Variants in CLASP1 observed in about 807,000 individuals in gnomAD.
CLASP1 encodes the protein cytoplasmic linker associated protein 1, also known as CLIP-associating protein 1.
In CLASP1, 38 loss-of-function variants were observed where a neutral mutation model predicts 192.3. The observed-to-expected ratio is 0.20, with a 90% confidence interval of 0.15 to 0.26. The LOEUF is 0.26. Ranked by LOEUF, CLASP1 falls within the 10% of genes least tolerant of loss-of-function variation. CLASP1 has a pLI of 1.00. For missense variants in CLASP1, 1,433 were observed against 1,932.5 expected, an observed-to-expected ratio of 0.74 and a Z score of 4.85; for synonymous variants, 691 against 712.8, an observed-to-expected ratio of 0.97 and a Z score of 0.49.
At chr2:121,485,525 G>A (rs1328232396) in intron 8 of CLASP1, among the ~76,000 whole-genome samples, 1 of 152,122 alleles carries the variant, frequency 6.6e-6, no homozygotes, top group Non-Finnish European at 1.5e-5. Context: ...AGAAAAGAGG[G>A]CCTTCCAATT....
intron 2 of CLASP1, among the ~76,000 whole-genome samples, chr2:121,548,433 G>A (rs1219787301): frequency 6.6e-6 from 1 of 152,168 alleles, no homozygotes; most frequent in Non-Finnish European, 1.5e-5. Flanking sequence ...CCAAATCTAT[G>A]AAAAATTGGT....
chr2:121,523,502 T>G (rs926729919), intron 6 of CLASP1, among the ~76,000 whole-genome samples: 1 of 152,228 alleles, frequency 6.6e-6, no homozygotes, highest in Non-Finnish European at 1.5e-5. Flanking sequence ...AGACCTCCTC[T>G]AGCAGAAAAC....
At chr2:121,526,031 C>T in intron 5 of CLASP1, 111 bp from the exon 6 acceptor site, 1 of 721,416 alleles carries the variant, frequency 1.4e-6, no homozygotes, top group South Asian at 1.6e-5. Context: ...ATCACCACCT[C>T]ATACCAAGTC....
At chr2:121,639,018 T>C (rs960869462) in intron 1 of CLASP1, among the ~76,000 whole-genome samples, 1 of 152,294 alleles carries the variant, frequency 6.6e-6, no homozygotes, top group East Asian at 1.9e-4. Flanking sequence ...GGCTCACGCC[T>C]GTAATCCCAG....
At position 121,410,847 on chromosome 2, in the gene CLASP1, T is replaced by C. The variant is rs776251433; in HGVS notation, c.2424+19A>G. 1.3e-6 allele frequency: 2 copies of C among 1,509,702 alleles called. No individual in the cohort carries two copies. Among genetic ancestry groups the C allele is most frequent in the South Asian group, 1.2e-5 (1 of 86,288 alleles). The allele number at this position is 1,509,702 out of a possible 1,614,324, so 93.5% of individuals were successfully genotyped here. ...GAGTATTTCAAAAAGACTGTGTACA[T>C]ACATACTGTGCCTCTTACCAAAGCA... On this transcript the variant is annotated intron_variant, in intron 24 of 39. Coordinates refer to ENST00000263710, the Ensembl canonical transcript of CLASP1.
intron 7 of CLASP1, among the ~76,000 whole-genome samples, chr2:121,514,515 A>AC (rs2094232533): frequency 6.6e-6 from 1 of 152,156 alleles, no homozygotes; most frequent in Non-Finnish European, 1.5e-5. Flanking sequence ...TAAAAAAAAA[A>AC]AACAAAACAA....
chr2:121,353,879 C>A (rs2064945803), intron 37 of CLASP1, among the ~76,000 whole-genome samples: 1 of 152,196 alleles, frequency 6.6e-6, no homozygotes, highest in South Asian at 2.1e-4. Context: ...CAGCCTCGAT[C>A]TCCTGGGCTC....
At chr2:121,593,811 G>A (rs1048240080) in intron 2 of CLASP1, among the ~76,000 whole-genome samples, 8 of 151,190 alleles carry the variant, frequency 5.3e-5, no homozygotes, top group African/African-American at 9.7e-5. Context: ...GGGAGTTCAA[G>A]ACCAGCATGA....
chr2:121,357,400 G>T (rs1023769407), intron 37 of CLASP1, among the ~76,000 whole-genome samples: 6 of 152,008 alleles, frequency 3.9e-5, no homozygotes, highest in Non-Finnish European at 8.8e-5. Context: ...TCAGCGCAGG[G>T]TATAAAACAC....
intron 39 of CLASP1, among the ~76,000 whole-genome samples, chr2:121,344,040 C>G (rs1203870868): frequency 6.6e-6 from 1 of 151,966 alleles, no homozygotes; most frequent in African/African-American, 2.4e-5. Context: ...CACCGCACTT[C>G]AGCCTGGGTG....
intron 2 of CLASP1, among the ~76,000 whole-genome samples, chr2:121,552,666 G>A (rs2058147859): frequency 6.6e-6 from 1 of 152,144 alleles, no homozygotes; most frequent in Admixed American, 6.5e-5. Context: ...CAGTCAGAAT[G>A]GCTATTAAAA....
chr2:121,505,810 T>A (rs905298165), intron 7 of CLASP1, among the ~76,000 whole-genome samples: 1 of 152,204 alleles, frequency 6.6e-6, no homozygotes, highest in Non-Finnish European at 1.5e-5. Context: ...CCAATTAGAA[T>A]TTATTTTACT....
At chr2:121,459,775 G>A in intron 12 of CLASP1, 1 of 401,398 alleles carries the variant, frequency 2.5e-6, no homozygotes, top group African/African-American at 2.0e-5. Flanking sequence ...CTATGTCACT[G>A]AATAAAATTT....
chr2:121,477,301 T>C (rs2091752560), intron 8 of CLASP1, among the ~76,000 whole-genome samples: 1 of 152,238 alleles, frequency 6.6e-6, no homozygotes, highest in African/African-American at 2.4e-5. Flanking sequence ...TTTTAGAAGC[T>C]TTTATTACTT....
intron 1 of CLASP1, among the ~76,000 whole-genome samples, chr2:121,625,945 A>C (rs2068262466): frequency 6.6e-6 from 1 of 151,926 alleles, no homozygotes; most frequent in Non-Finnish European, 1.5e-5. Context: ...CTAAAAATAC[A>C]AAAATTAGCT....
chr2:121,451,067 A>G (rs2085369928), intron 15 of CLASP1, 77 bp from the exon 16 acceptor site: 2 of 1,008,062 alleles, frequency 2.0e-6, no homozygotes, highest in Admixed American at 1.9e-5. Context: ...GGGAGAAATA[A>G]CTTCCAAATG....
intron 2 of CLASP1, among the ~76,000 whole-genome samples, chr2:121,595,275 A>G (rs1279585129): frequency 6.6e-6 from 1 of 152,220 alleles, no homozygotes; most frequent in East Asian, 1.9e-4. Flanking sequence ...TCCCCACTTA[A>G]AGAATAGGAA....
At chr2:121,378,339 G>A (rs756119166) in intron 33 of CLASP1, among the ~76,000 whole-genome samples, 9 of 152,070 alleles carry the variant, frequency 5.9e-5, no homozygotes, top group Non-Finnish European at 1.2e-4. Flanking sequence ...ATTCCTGGAT[G>A]GACATCTAAA....
At chr2:121,619,504 C>G (rs2066986045) in intron 1 of CLASP1, among the ~76,000 whole-genome samples, 1 of 152,056 alleles carries the variant, frequency 6.6e-6, no homozygotes. Flanking sequence ...TTGTAAAAAA[C>G]TATAGGCTGG....
Sources: gnomAD v4.1 joint callset for allele counts (sites outside exome capture counted in the v4.1 genomes callset) on GRCh38, gnomAD v4.1.1 for gene constraint, MANE v1.5 for transcripts, NCBI Gene and HGNC (gene_info 2026-07-23, HGNC 2026-07-21) for gene names.